The following NOL4 variants were observed in gnomAD, a reference collection of about 807,000 sequenced individuals.
The protein encoded by NOL4 is nucleolar protein 4, also known as cancer/testis antigen 125.
A neutral mutation model predicts 75.9 loss-of-function variants in NOL4; 17 were observed. The observed-to-expected ratio is 0.22, with a 90% CI of 0.15 to 0.34. The LOEUF is 0.34. NOL4 is among the 10% of genes least tolerant of loss of function. NOL4 has a pLI of 1.00. For synonymous variants in NOL4, 292 were observed against 289.9 expected (o/e 1.01, Z -0.07); for missense variants, 614 against 793.5 (o/e 0.77, Z 2.72).
chr18:34,166,238 G>A (rs776255621), intron 1 of NOL4, among the ~76,000 whole-genome samples: 4 of 152,066 alleles, frequency 2.6e-5, no homozygotes, highest in Non-Finnish European at 5.9e-5. Flanking sequence ...GTTTATCTGA[G>A]CCAGTGGATA....
chr18:34,046,625 T>TATATATATATATATATATATAA (rs2076388258), intron 5 of NOL4, among the ~76,000 whole-genome samples: 1 of 136,882 alleles, frequency 7.3e-6, no homozygotes. Flanking sequence ...TATATATATA[T>TATATATATATATATATATATAA]ATATATATAT....
intron 10 of NOL4, among the ~76,000 whole-genome samples, chr18:33,853,329 T>A (rs1446634900): frequency 3.3e-5 from 5 of 152,092 alleles, no homozygotes; most frequent in Non-Finnish European, 5.9e-5. Context: ...AAAAATTCAA[T>A]TTTAAATCTG....
chr18:33,967,562 A>T (rs1162967918), intron 6 of NOL4, among the ~76,000 whole-genome samples: 1 of 152,186 alleles, frequency 6.6e-6, no homozygotes, highest in Non-Finnish European at 1.5e-5. Flanking sequence ...TTCATAAACT[A>T]TTCATCCAAC....
At chr18:33,922,370 TAAA>T in intron 9 of NOL4, among the ~76,000 whole-genome samples, 1 of 152,210 alleles carries the variant, frequency 6.6e-6, no homozygotes, top group Non-Finnish European at 1.5e-5. Flanking sequence ...CTTCTAGACT[TAAA>T]AATAAAGTGA....
intron 1 of NOL4, among the ~76,000 whole-genome samples, chr18:34,191,503 T>C (rs192110809): frequency 6.6e-6 from 1 of 152,266 alleles, no homozygotes; most frequent in Non-Finnish European, 1.5e-5. Context: ...TCATGACCCA[T>C]GTAAGTAATT....
intron 5 of NOL4, among the ~76,000 whole-genome samples, chr18:34,087,003 A>G (rs1323659432): frequency 6.6e-6 from 1 of 152,150 alleles, no homozygotes; most frequent in Non-Finnish European, 1.5e-5. Flanking sequence ...ACTGGTCACA[A>G]CATTTGAGCA....
At chr18:34,199,588 T>C (rs547709662) in intron 1 of NOL4, among the ~76,000 whole-genome samples, 2 of 151,896 alleles carry the variant, frequency 1.3e-5, no homozygotes, top group Non-Finnish European at 2.9e-5. Flanking sequence ...AAAAGCCAAG[T>C]AAAACTTATG....
chr18:34,079,791 T>C (rs1483292102), intron 5 of NOL4, among the ~76,000 whole-genome samples: 2 of 152,252 alleles, frequency 1.3e-5, no homozygotes, highest in African/African-American at 2.4e-5. Context: ...TTTGCTCCTA[T>C]TTAAAGCCAA....
chr18:34,213,479 G>A (rs1327880946), intron 1 of NOL4, among the ~76,000 whole-genome samples: 9 of 152,002 alleles, frequency 5.9e-5, no homozygotes, highest in Non-Finnish European at 1.0e-4. Context: ...TAGTAGAGCC[G>A]GGGTTTCACC....
chr18:33,880,443 C>T (rs111544236), intron 10 of NOL4, among the ~76,000 whole-genome samples: 2 of 151,712 alleles, frequency 1.3e-5, no homozygotes, highest in Non-Finnish European at 2.9e-5. Flanking sequence ...ACATGCATAG[C>T]TTTATATTAT....
At chr18:34,008,132 T>C (rs915561516) in intron 6 of NOL4, among the ~76,000 whole-genome samples, 2 of 152,016 alleles carry the variant, frequency 1.3e-5, no homozygotes, top group African/African-American at 4.8e-5. Context: ...ACTCCATTTT[T>C]GAGCTGCAAC....
chr18:33,927,720 G>GT (rs1201402265), intron 9 of NOL4, among the ~76,000 whole-genome samples: 1 of 151,992 alleles, frequency 6.6e-6, no homozygotes, highest in Non-Finnish European at 1.5e-5. Context: ...AAAAATACAA[G>GT]TAAAAAAAAG....
intron 5 of NOL4, among the ~76,000 whole-genome samples, chr18:34,049,301 C>A (rs933153552): frequency 6.6e-6 from 1 of 151,262 alleles, no homozygotes; most frequent in Non-Finnish European, 1.5e-5. Context: ...GTGCCTGTGC[C>A]ACAGCAGAAG....
chr18:34,042,351 A>C (rs763174616), intron 5 of NOL4, among the ~76,000 whole-genome samples: 1 of 152,012 alleles, frequency 6.6e-6, no homozygotes, highest in Non-Finnish European at 1.5e-5. Context: ...AAAGAATAAA[A>C]CTGTGCCAGA....
chr18:33,887,491 T>A (rs2064818060), intron 9 of NOL4, among the ~76,000 whole-genome samples: 1 of 151,762 alleles, frequency 6.6e-6, no homozygotes, highest in East Asian at 1.9e-4. Context: ...TCCATAGGAA[T>A]ACATGGGCCA....
chr18:34,093,136 C>T (rs1331123138), intron 5 of NOL4, among the ~76,000 whole-genome samples: 1 of 152,026 alleles, frequency 6.6e-6, no homozygotes, highest in East Asian at 1.9e-4. Context: ...AGAATGACAG[C>T]CCAAGAAATC....
chr18:34,209,812 T>C (rs1301111488), intron 1 of NOL4, among the ~76,000 whole-genome samples: 3 of 152,326 alleles, frequency 2.0e-5, no homozygotes, highest in East Asian at 3.9e-4. Flanking sequence ...GGGTTAAATA[T>C]TGATTTAAAG....
intron 5 of NOL4, among the ~76,000 whole-genome samples, chr18:34,024,194 A>ATATATATATATATATATATAT (rs1555696186): frequency 1.4e-4 from 10 of 70,694 alleles, no homozygotes; most frequent in African/African-American, 2.6e-4. Flanking sequence ...AAAAAAAAAA[A>ATATATATATATATATATATAT]ATATATATAT....
At chr18:34,160,588 G>C (rs1223688365) in intron 1 of NOL4, among the ~76,000 whole-genome samples, 1 of 152,138 alleles carries the variant, frequency 6.6e-6, no homozygotes, top group Non-Finnish European at 1.5e-5. Context: ...AATGGAATTA[G>C]TGTAATATTT....
Sources: gnomAD v4.1 joint callset for allele counts (sites outside exome capture counted in the v4.1 genomes callset) on GRCh38, gnomAD v4.1.1 for gene constraint, MANE v1.5 for transcripts, NCBI Gene and HGNC (gene_info 2026-07-23, HGNC 2026-07-21) for gene names.